CACNA2D1: variants seen among roughly 807,000 people sequenced by gnomAD.
The protein encoded by CACNA2D1 is voltage-dependent calcium channel subunit alpha-2/delta-1.
A neutral mutation model predicts 171.5 loss-of-function variants in CACNA2D1; 53 were observed. The observed-to-expected ratio is 0.31, with a 90% CI of 0.25 to 0.39. The LOEUF is 0.39. CACNA2D1 is among the 10% of genes least tolerant of loss of function. The pLI is 1.00. For synonymous variants in CACNA2D1, 442 were observed against 443.1 expected (o/e 1.00, Z 0.03); for missense variants, 903 against 1,299.8 (o/e 0.69, Z 4.69).
intron 31 of CACNA2D1, among the ~76,000 whole-genome samples, chr7:81,966,528 C>T (rs548992902): frequency 1.9e-4 from 29 of 151,196 alleles, no homozygotes; most frequent in African/African-American, 7.0e-4. Context: ...TATACAGACA[C>T]ACAAAAGAGG....
rs529891594 is a variant in CACNA2D1 at position 82,009,847 on chromosome 7, G to A, written c.1363-2091C>T. Among the ~76,000 whole-genome samples, 20 of 151,942 alleles carry A rather than the reference G, an allele frequency of 1.3e-4. No individual in the cohort carries two copies. In the South Asian group the frequency reaches 4.2e-3, roughly 32 times the overall value. ...AAATAAAACAAGATTTCTCTACCCT[G>A]GAATTTTAAAAATATTTTCTAGAGC... On this transcript the variant is annotated intron_variant, in intron 15 of 38. Coordinates refer to ENST00000356860, the MANE Select transcript of CACNA2D1 (RefSeq NM_000722.4).
chr7:82,146,104 C>A (rs966222690), intron 4 of CACNA2D1, among the ~76,000 whole-genome samples: 1 of 151,692 alleles, frequency 6.6e-6, no homozygotes, highest in Non-Finnish European at 1.5e-5. Flanking sequence ...CAAGCCAAAG[C>A]CATCTAAGAG....
At chr7:82,283,493 G>T (rs1048117744) in intron 3 of CACNA2D1, among the ~76,000 whole-genome samples, 3 of 152,190 alleles carry the variant, frequency 2.0e-5, no homozygotes, top group African/African-American at 7.2e-5. Flanking sequence ...TGTTGATAGA[G>T]TTCCTAACAA....
chr7:82,057,630 T>TA (rs1366583933), intron 10 of CACNA2D1, among the ~76,000 whole-genome samples: 1 of 151,874 alleles, frequency 6.6e-6, no homozygotes, highest in African/African-American at 2.4e-5. Context: ...ATCATGGGTG[T>TA]TGCTGCTACA....
At chr7:82,273,476 A>G (rs180898469) in intron 3 of CACNA2D1, among the ~76,000 whole-genome samples, 57 of 151,336 alleles carry the variant, frequency 3.8e-4, no homozygotes, top group Admixed American at 3.7e-3. Context: ...CTATAATATA[A>G]TATTTTCTAT....
At chr7:82,089,395 G>C (rs915267310) in intron 6 of CACNA2D1, among the ~76,000 whole-genome samples, 2 of 152,076 alleles carry the variant, frequency 1.3e-5, no homozygotes, top group African/African-American at 4.8e-5. Flanking sequence ...ATCCCTGTTA[G>C]AAAATTCGAT....
intron 4 of CACNA2D1, among the ~76,000 whole-genome samples, chr7:82,150,263 AAAAAAACAAAAACAACAAC>A (rs1445185333): frequency 7.9e-5 from 7 of 88,564 alleles, no homozygotes; most frequent in Non-Finnish European, 1.5e-4. Flanking sequence ...AAATTAAAAA[AAAAAAACAAAAACAACAAC>A]AAAAAAAAAC....
At chr7:81,995,541 G>A (rs1797953779) in intron 19 of CACNA2D1, among the ~76,000 whole-genome samples, 1 of 152,128 alleles carries the variant, frequency 6.6e-6, no homozygotes, top group Admixed American at 6.5e-5. Flanking sequence ...GCTCATGCCT[G>A]TAATTCCAGC....
At chr7:81,991,933 C>G (rs1797581430) in intron 20 of CACNA2D1, among the ~76,000 whole-genome samples, 1 of 151,256 alleles carries the variant, frequency 6.6e-6, no homozygotes, top group East Asian at 2.0e-4. Context: ...CTCCCGGGTT[C>G]ATGCTATTCT....
chr7:82,367,476 C>T (rs1458129306), intron 1 of CACNA2D1, among the ~76,000 whole-genome samples: 1 of 152,124 alleles, frequency 6.6e-6, no homozygotes, highest in Non-Finnish European at 1.5e-5. Flanking sequence ...AAATTCATCA[C>T]TTTTCCCTGC....
intron 36 of CACNA2D1, among the ~76,000 whole-genome samples, chr7:81,960,137 T>G (rs1456119084): frequency 4.6e-5 from 7 of 152,064 alleles, no homozygotes; most frequent in Non-Finnish European, 1.0e-4. Context: ...AAAGTTTTTC[T>G]TTACACATAC....
intron 3 of CACNA2D1, among the ~76,000 whole-genome samples, chr7:82,187,039 T>G (rs1314727311): frequency 1.3e-5 from 2 of 152,198 alleles, no homozygotes; most frequent in Non-Finnish European, 2.9e-5. Context: ...GCTTGATCCA[T>G]TTTTAAGGCT....
intron 9 of CACNA2D1, among the ~76,000 whole-genome samples, chr7:82,063,294 G>C (rs1413925174): frequency 6.6e-6 from 1 of 152,012 alleles, no homozygotes; most frequent in Admixed American, 6.6e-5. Flanking sequence ...GAATATCAAG[G>C]ATTAGCATAT....
intron 15 of CACNA2D1, among the ~76,000 whole-genome samples, chr7:82,009,799 CAT>C (rs1799552771): frequency 6.6e-6 from 1 of 152,046 alleles, no homozygotes; most frequent in Non-Finnish European, 1.5e-5. Context: ...GAGTACTGCA[CAT>C]GTCTCTAGAA....
chr7:82,233,497 C>T (rs1010894812), intron 3 of CACNA2D1, among the ~76,000 whole-genome samples: 2 of 152,206 alleles, frequency 1.3e-5, no homozygotes, highest in South Asian at 2.1e-4. Flanking sequence ...CTGATAAATT[C>T]TGTGACCTTT....
intron 5 of CACNA2D1, among the ~76,000 whole-genome samples, chr7:82,119,319 A>T (rs1252969776): frequency 6.6e-6 from 1 of 152,190 alleles, no homozygotes; most frequent in Non-Finnish European, 1.5e-5. Flanking sequence ...AACGAAACTG[A>T]CACATGAAAT....
intron 10 of CACNA2D1, among the ~76,000 whole-genome samples, chr7:82,043,542 C>A (rs928416241): frequency 6.6e-6 from 1 of 152,122 alleles, no homozygotes; most frequent in Non-Finnish European, 1.5e-5. Flanking sequence ...CAATGCATTT[C>A]AATACTTCCA....
intron 4 of CACNA2D1, among the ~76,000 whole-genome samples, chr7:82,152,833 T>C (rs565098789): frequency 6.6e-6 from 1 of 152,182 alleles, no homozygotes; most frequent in East Asian, 1.9e-4. Flanking sequence ...TTTCGATGGT[T>C]ACTTCCAATT....
rs73164253 is a variant in CACNA2D1 at position 82,255,715 on chromosome 7, A to G, written c.294+79420T>C. Reference sequence around the variant, plus strand: ...TGATACATCCAGGAACCTAAAAGTCAAAGACTGATAACTAAATACTTTCTT... The same window carrying G: ...TGATACATCCAGGAACCTAAAAGTCGAAGACTGATAACTAAATACTTTCTT... On this transcript the variant is annotated intron_variant, in intron 3 of 38. Transcript: ENST00000356860. 2.0e-3 allele frequency among the ~76,000 whole-genome samples: 309 copies of G among 152,352 alleles called. 12 individuals are homozygous for G. The highest frequency in any genetic ancestry group is 2.4e-3 in the Non-Finnish European group (166 of 68,036).
Sources: allele counts gnomAD v4.1 joint callset (sites outside exome capture counted in the v4.1 genomes callset), GRCh38; gene constraint gnomAD v4.1.1; transcripts MANE v1.5; gene names NCBI Gene and HGNC (gene_info 2026-07-23, HGNC 2026-07-21).